The following AGBL4 variants were observed in gnomAD, a reference collection of about 807,000 sequenced individuals.
The protein encoded by AGBL4 is cytosolic carboxypeptidase 6.
AGBL4 carries 58 observed loss-of-function variants against 66.4 expected under a neutral mutation model. The ratio of observed to expected loss-of-function variants is 0.87; its 90% CI spans 0.71 to 1.09. AGBL4 has a LOEUF of 1.09. Ranked by LOEUF, AGBL4 falls within the 50% of genes least tolerant of loss-of-function variation. AGBL4 has a pLI of 0.00. For synonymous variants in AGBL4, 234 were observed against 222.9 expected, an observed-to-expected ratio of 1.05 and a Z score of -0.44; for missense variants, 579 against 631.0, an observed-to-expected ratio of 0.92 and a Z score of 0.88.
At position 49,562,533 on chromosome 1, in the gene AGBL4, C is replaced by T. The variant is rs1165698501; in HGVS notation, c.282+134780G>A. Among the ~76,000 whole-genome samples the T allele has an allele frequency of 2.0e-5, 3 of 152,180 alleles. No homozygotes were observed. The East Asian group carries it at 5.8e-4, about 29-fold the overall frequency. ...GTTTCAGCTTTCTGCTTATGGCTAG[C>T]CAGTTTTCCCAGCACCATTTATTAA... is the stretch of plus-strand genomic sequence containing the variant. On this transcript the variant is annotated intron_variant, in intron 3 of 13. Coordinates refer to ENST00000371839, the MANE Select transcript of AGBL4 (RefSeq NM_032785.4).
intron 3 of AGBL4, among the ~76,000 whole-genome samples, chr1:49,469,057 C>T (rs1042616764): frequency 6.6e-6 from 1 of 151,760 alleles, no homozygotes; most frequent in Non-Finnish European, 1.5e-5. Flanking sequence ...AATTACCAAC[C>T]ACAGTGATGC....
intron 4 of AGBL4, among the ~76,000 whole-genome samples, chr1:49,136,974 T>C (rs1363004949): frequency 6.6e-6 from 1 of 152,142 alleles, no homozygotes; most frequent in Non-Finnish European, 1.5e-5. Context: ...AAATCTATGA[T>C]CTAATTTTTG....
chr1:48,719,952 C>T (rs1472951573), intron 6 of AGBL4, among the ~76,000 whole-genome samples: 1 of 152,192 alleles, frequency 6.6e-6, no homozygotes, highest in Non-Finnish European at 1.5e-5. Context: ...TGGTGATGGC[C>T]TATCAAACTT....
chr1:49,605,570 G>T (rs1427842899), intron 3 of AGBL4, among the ~76,000 whole-genome samples: 3 of 152,136 alleles, frequency 2.0e-5, no homozygotes, highest in Non-Finnish European at 4.4e-5. Context: ...ACATTTTTAT[G>T]AAGTATGAAT....
intron 6 of AGBL4, among the ~76,000 whole-genome samples, chr1:48,729,990 C>A (rs1385653686): frequency 6.6e-6 from 1 of 152,130 alleles, no homozygotes; most frequent in Non-Finnish European, 1.5e-5. Context: ...AGGGACCTTG[C>A]TCATCTCTGC....
chr1:48,547,711 T>A (rs1644186511), intron 11 of AGBL4, among the ~76,000 whole-genome samples: 2 of 152,270 alleles, frequency 1.3e-5, no homozygotes, highest in South Asian at 2.1e-4. Context: ...CTCCACCTCT[T>A]CCTCCCTGCT....
At chr1:49,732,234 G>A (rs1434199083) in intron 2 of AGBL4, among the ~76,000 whole-genome samples, 3 of 152,192 alleles carry the variant, frequency 2.0e-5, no homozygotes, top group African/African-American at 7.2e-5. Flanking sequence ...AGTGGAGGCA[G>A]AGAGACCCAA....
intron 5 of AGBL4, among the ~76,000 whole-genome samples, chr1:48,990,866 A>C (rs1289179391): frequency 6.6e-6 from 1 of 152,174 alleles, no homozygotes; most frequent in African/African-American, 2.4e-5. Flanking sequence ...CAACTAATGA[A>C]AATTCTACAC....
At chr1:49,871,598 T>G (rs1270230739) in intron 1 of AGBL4, among the ~76,000 whole-genome samples, 2 of 152,092 alleles carry the variant, frequency 1.3e-5, no homozygotes, top group East Asian at 3.8e-4. Flanking sequence ...CCAAAATAGA[T>G]ATATTCAGCT....
intron 3 of AGBL4, among the ~76,000 whole-genome samples, chr1:49,330,141 C>T (rs1645304150): frequency 6.6e-6 from 1 of 152,222 alleles, no homozygotes; most frequent in African/African-American, 2.4e-5. Flanking sequence ...TTTGGCCAGA[C>T]ATGGTGGCTT....
At chr1:49,674,216 G>A (rs1453500052) in intron 3 of AGBL4, among the ~76,000 whole-genome samples, 1 of 152,034 alleles carries the variant, frequency 6.6e-6, no homozygotes, top group East Asian at 1.9e-4. Flanking sequence ...GCCTTGGAAG[G>A]TCCTGAGATG....
At position 49,725,856 on chromosome 1, in the gene AGBL4, T is replaced by C. The variant is rs531615213; in HGVS notation, c.158-28419A>G. Among the ~76,000 whole-genome samples the C allele has an allele frequency of 7.2e-5, 11 of 152,066 alleles. No homozygotes were observed. In the South Asian group the frequency reaches 2.3e-3, roughly 32 times the overall value. On this transcript the variant is annotated intron_variant, in intron 2 of 13. Coordinates refer to ENST00000371839, the MANE Select transcript of AGBL4 (RefSeq NM_032785.4). ...ATCAAAGGAGTAAGAATATATATCC[T>C]TACTACAGTGAGAAACTGAAAAGAA...
Position 48,736,356 on chromosome 1 carries a change from T to C in AGBL4, c.635-73115A>G. 4 of 1,614,154 alleles carry C rather than the reference T, an allele frequency of 2.5e-6. No homozygotes were observed. The highest frequency in any genetic ancestry group is 3.4e-6 in the Non-Finnish European group (4 of 1,180,032). ...TTCAGAACATCTGTTCCCCAAATCA[T>C]AACTGCCAAGTTCTTCGTGTACTTG... On this transcript the variant is annotated intron_variant, in intron 6 of 13. Coordinates refer to ENST00000371839, the MANE Select transcript of AGBL4 (RefSeq NM_032785.4). This position sits in a 1 kb window ranked among gnomAD's most constrained non-coding sequence, Gnocchi z 4.0.
intron 5 of AGBL4, among the ~76,000 whole-genome samples, chr1:49,002,933 T>G (rs895520882): frequency 3.3e-5 from 5 of 152,200 alleles, no homozygotes; most frequent in African/African-American, 1.2e-4. Context: ...AGCAGAGGCT[T>G]AGTTGGACTA....
chr1:49,930,885 T>C (rs1462322302), intron 1 of AGBL4, among the ~76,000 whole-genome samples: 2 of 152,166 alleles, frequency 1.3e-5, no homozygotes, highest in Non-Finnish European at 2.9e-5. Flanking sequence ...TATTCAACAT[T>C]GTATTTGAAA....
chr1:49,196,463 T>C (rs887746976), intron 4 of AGBL4, among the ~76,000 whole-genome samples: 5 of 152,200 alleles, frequency 3.3e-5, no homozygotes, highest in Non-Finnish European at 7.3e-5. Flanking sequence ...TTGCACCTCA[T>C]TGAGATTCTC....
chr1:49,978,834 T>G (rs1245032099), intron 1 of AGBL4, among the ~76,000 whole-genome samples: 1 of 152,244 alleles, frequency 6.6e-6, no homozygotes, highest in African/African-American at 2.4e-5. Flanking sequence ...ATTTTATTCA[T>G]ATTTTCTGTA....
chr1:49,117,930 C>G (rs1415466816), intron 4 of AGBL4, among the ~76,000 whole-genome samples: 1 of 152,134 alleles, frequency 6.6e-6, no homozygotes, highest in South Asian at 2.1e-4. Flanking sequence ...TGAAGAGGTC[C>G]TTCACATCCC....
At chr1:48,763,995 T>C (rs1033684979) in intron 6 of AGBL4, among the ~76,000 whole-genome samples, 1 of 152,328 alleles carries the variant, frequency 6.6e-6, no homozygotes, top group East Asian at 1.9e-4. Flanking sequence ...TTGCCTTCTA[T>C]GCCTCGACTT....
Sources: allele counts gnomAD v4.1 joint callset (sites outside exome capture counted in the v4.1 genomes callset), GRCh38; gene constraint gnomAD v4.1.1; non-coding constraint Gnocchi (gnomAD v3.1); transcripts MANE v1.5; gene names NCBI Gene and HGNC (gene_info 2026-07-23, HGNC 2026-07-21).